Variants in CFHR4 observed in about 807,000 individuals in gnomAD.
CFHR4 encodes the protein complement factor H-related protein 4.
A neutral mutation model predicts 69.3 loss-of-function variants in CFHR4; 64 were observed. That is an observed-to-expected ratio of 0.92 (90% CI 0.76 to 1.14). CFHR4 has a LOEUF of 1.14. Among genes scored for constraint, CFHR4 ranks in the 50% most tolerant of loss-of-function variants. The probability of loss-of-function intolerance (pLI) is 0.00; values close to 1 mark genes in which losing one functional copy is unlikely to be tolerated. For missense variants in CFHR4, 636 were observed against 684.9 expected (o/e 0.93, Z 0.80); for synonymous variants, 244 against 237.0 (o/e 1.03, Z -0.27).
chr1:196,894,766 T>C (rs1198227088), intron 1 of CFHR4, among the ~76,000 whole-genome samples: 1 of 151,288 alleles, frequency 6.6e-6, no homozygotes, highest in Non-Finnish European at 1.5e-5. Flanking sequence ...AAAAATTTGA[T>C]TATGACCAAG....
chr1:196,896,561 C>T (rs1350769779), intron 1 of CFHR4, among the ~76,000 whole-genome samples: 5 of 151,768 alleles, frequency 3.3e-5, no homozygotes, highest in Non-Finnish European at 7.4e-5. Context: ...GTTTTCGACA[C>T]TCTGGCTCCC....
At chr1:196,888,621 T>C (rs913282465) in intron 1 of CFHR4, among the ~76,000 whole-genome samples, 4 of 151,342 alleles carry the variant, frequency 2.6e-5, no homozygotes, top group Admixed American at 6.6e-5. Context: ...TTTTTATTGA[T>C]TCATATATCA....
Position 196,918,394 on chromosome 1 carries a change from C to G in CFHR4, c.1725C>G (p.Pro575=). ...GTAGGGAAGGCATAGTGGAATACCC[C>G]AGATGCGAATAAGGCAGCATTGTTA... ...AVCREGIVEY[P]RCE Residue 575 remains proline, a synonymous_variant, in exon 10 of 10, where the codon CCC becomes CCG. Coordinates refer to ENST00000608469, the MANE Select transcript of CFHR4 (RefSeq NM_001201550.3). 6.2e-7 allele frequency: 1 copy of G among 1,611,282 alleles called. No homozygotes were observed. Among genetic ancestry groups the G allele is most frequent in the African/African-American group, 1.3e-5 (1 of 74,426 alleles).
Position 196,914,587 on chromosome 1 carries a change from G to T in CFHR4, c.1273G>T (p.Asp425Tyr), listed in dbSNP as rs374426095. The T allele has an allele frequency of 1.9e-6, 3 of 1,611,608 alleles. No individual in the cohort carries two copies. Among genetic ancestry groups the T allele is most frequent in the Non-Finnish European group, 2.5e-6 (3 of 1,179,144 alleles). ...TGACACATTGGACTACGAATGCTAC[G>T]ATGGATATGAAATCAGTTATGGAAA... Reference protein sequence around the residue: ...LHDTLDYECYDGYEISYGNTT... With the variant: ...LHDTLDYECYYGYEISYGNTT... The change falls in exon 8 of 10, where the codon GAT (aspartate) becomes TAT (tyrosine). Residue 425 changes from aspartate to tyrosine, a missense_variant. Around this residue, in one of 3 missense-constraint regions of CFHR4, gnomAD observed 529 missense variants for 533.2 expected, o/e 0.99. Transcript: ENST00000608469.
At chr1:196,890,124 G>C (rs1303991179) in intron 1 of CFHR4, among the ~76,000 whole-genome samples, 1 of 151,352 alleles carries the variant, frequency 6.6e-6, no homozygotes, top group Non-Finnish European at 1.5e-5. Flanking sequence ...TTTACTCATG[G>C]ATACGTATAT....
intron 2 of CFHR4, among the ~76,000 whole-genome samples, chr1:196,903,643 A>G (rs534806511): frequency 6.6e-6 from 1 of 150,834 alleles, no homozygotes. Flanking sequence ...ATAGAGCAAG[A>G]CTCTGTCTCA....
intron 1 of CFHR4, among the ~76,000 whole-genome samples, chr1:196,894,343 A>G (rs1657181134): frequency 1.3e-5 from 2 of 151,516 alleles, no homozygotes; most frequent in Non-Finnish European, 2.9e-5. Flanking sequence ...GACAAAAACC[A>G]TTGTTACCAT....
chr1:196,896,382 A>G (rs1260683132), intron 1 of CFHR4, among the ~76,000 whole-genome samples: 1 of 151,528 alleles, frequency 6.6e-6, no homozygotes, highest in Non-Finnish European at 1.5e-5. Context: ...GTTGCTTTGG[A>G]ATATCCTAGT....
At position 196,892,952 on chromosome 1, in the gene CFHR4, G is replaced by A. The variant is rs1417802537; in HGVS notation, c.58+4744G>A. On this transcript the variant is annotated intron_variant, in intron 1 of 9. Transcript: ENST00000608469. ...GCAGTTAAGTGGAAGAAAATGAAGA[G>A]TTTCATTAATAACCCTAATATTAAT... 2.0e-5 allele frequency among the ~76,000 whole-genome samples: 3 copies of A among 151,546 alleles called. 1 individual carries two copies. Among genetic ancestry groups the A allele is most frequent in the African/African-American group, 7.3e-5 (3 of 41,074 alleles).
At chr1:196,917,647 C>G (rs1204785227) in intron 9 of CFHR4, among the ~76,000 whole-genome samples, 3 of 150,774 alleles carry the variant, frequency 2.0e-5, no homozygotes, top group African/African-American at 4.9e-5. Context: ...AGATAATTGA[C>G]AGATATTGAG....
At chr1:196,907,098 G>A in intron 4 of CFHR4, 61 bp downstream of exon 4, 5 of 1,425,434 alleles carry the variant, frequency 3.5e-6, no homozygotes, top group African/African-American at 1.5e-5. Context: ...ACATACATAT[G>A]TATATGTACA....
At chr1:196,900,297 C>A (rs1361111369) in intron 1 of CFHR4, among the ~76,000 whole-genome samples, 2 of 143,796 alleles carry the variant, frequency 1.4e-5, no homozygotes, top group African/African-American at 2.6e-5. Flanking sequence ...GACTTCAGTG[C>A]CAATCAGATC....
At chr1:196,915,602 T>C (rs1196524281) in intron 9 of CFHR4, among the ~76,000 whole-genome samples, 3 of 150,300 alleles carry the variant, frequency 2.0e-5, no homozygotes, top group African/African-American at 7.4e-5. Flanking sequence ...ACCATTGCCC[T>C]CCAGCCTGGG....
At chr1:196,904,970 A>G in intron 2 of CFHR4, 138 bp from the exon 3 acceptor site, 2 of 839,228 alleles carry the variant, frequency 2.4e-6, no homozygotes, top group East Asian at 3.1e-5. Flanking sequence ...GATGTCTAGG[A>G]AACTTCCAGT....
chr1:196,892,417 T>C (rs1657089112), intron 1 of CFHR4, among the ~76,000 whole-genome samples: 1 of 151,506 alleles, frequency 6.6e-6, no homozygotes, highest in Non-Finnish European at 1.5e-5. Flanking sequence ...GCCTGTTGTG[T>C]TTGTTTGTTT....
In CFHR4 at chr1:196,902,499, C is replaced by T. The variant is rs1238323869; in HGVS notation, c.140C>T (p.Ala47Val). The change falls in exon 2 of 10, where the codon GCT becomes GTT. Residue 47 changes from alanine (A) to valine (V), a missense_variant. Around this residue, in one of 3 missense-constraint regions of CFHR4, gnomAD observed 529 missense variants for 533.2 expected, o/e 0.99. Transcript: ENST00000608469. ...KSLRRLYFPA[A>V]AGQSYSYYCD... ...TTGCGTAGACTATACTTTCCAGCAG[C>T]TGCAGGACAATCTTATTCCTATTAC... 6.2e-7 allele frequency: 1 copy of T among 1,611,456 alleles called. No homozygotes were observed. Among genetic ancestry groups the T allele is most frequent in the South Asian group, 1.1e-5 (1 of 91,010 alleles).
chr1:196,917,434 AT>A lies in CFHR4; in HGVS notation c.1541-769del, dbSNP rs533174247. On this transcript the variant is annotated intron_variant, in intron 9 of 9. Coordinates refer to ENST00000608469, the MANE Select transcript of CFHR4 (RefSeq NM_001201550.3). ...CCTGGAACTTAAAAAAAAATTATAA[AT>A]TTTTTTACAAAAGAATTTTATAAAA... 4.3e-3 allele frequency among the ~76,000 whole-genome samples: 655 copies of A among 151,858 alleles called. 11 individuals carry two copies. Among genetic ancestry groups the A allele is most frequent in the Non-Finnish European group, 4.5e-3 (307 of 67,954 alleles).
At chr1:196,910,155 A>T (rs1658172689) in intron 5 of CFHR4, 126 bp from the exon 6 acceptor site, 1 of 648,550 alleles carries the variant, frequency 1.5e-6, no homozygotes, top group Admixed American at 3.3e-5. Flanking sequence ...TCATCTAAAA[A>T]AAAAAAAAAA....
At chr1:196,894,963 A>T (rs1472550970) in intron 1 of CFHR4, among the ~76,000 whole-genome samples, 1 of 151,390 alleles carries the variant, frequency 6.6e-6, no homozygotes, top group Non-Finnish European at 1.5e-5. Context: ...AAGAGGCTGA[A>T]GTGGAAGGAT....
Sources: gnomAD v4.1 joint callset for allele counts (sites outside exome capture counted in the v4.1 genomes callset) on GRCh38, gnomAD v4.1.1 for gene constraint, gnomAD v4.1.1 regional missense constraint, MANE v1.5 for transcripts, NCBI Gene and HGNC (gene_info 2026-07-23, HGNC 2026-07-21) for gene names.